The following SRGAP3 variants were observed in gnomAD, a reference collection of about 807,000 sequenced individuals.
SRGAP3 encodes the protein SLIT-ROBO Rho GTPase-activating protein 3.
A neutral mutation model predicts 121.1 loss-of-function variants in SRGAP3; 39 were observed. The ratio of observed to expected loss-of-function variants is 0.32; its 90% confidence interval spans 0.25 to 0.42. The LOEUF (loss-of-function observed/expected upper bound fraction) is 0.42. Ranked by LOEUF, SRGAP3 falls within the 10% of genes least tolerant of loss-of-function variation. The probability of loss-of-function intolerance (pLI) is 1.00; values close to 1 mark genes in which losing one functional copy is unlikely to be tolerated. For synonymous variants in SRGAP3, 601 were observed against 570.0 expected (o/e 1.05, Z -0.77); for missense variants, 1,213 against 1,470.6 (o/e 0.82, Z 2.86).
chr3:9,137,944 G>T (rs567502349), intron 1 of SRGAP3, among the ~76,000 whole-genome samples: 1 of 152,218 alleles, frequency 6.6e-6, no homozygotes, highest in African/African-American at 2.4e-5. Flanking sequence ...ATTTCAACAC[G>T]AGATTAATAT....
chr3:9,248,850 G>T (rs779857489), intron 1 of SRGAP3, 35 bp downstream of exon 1: 1 of 1,606,294 alleles, frequency 6.2e-7, no homozygotes, highest in African/African-American at 1.3e-5. Flanking sequence ...AACGAAAGGG[G>T]AGGAGAAGGA....
Position 9,248,886 on chromosome 3 carries a change from T to C in SRGAP3, c.66A>G (p.Lys22=). The C allele has an allele frequency of 1.2e-6, 2 of 1,614,152 alleles. No homozygotes were observed. Among genetic ancestry groups the C allele is most frequent in the Non-Finnish European group, 1.7e-6 (2 of 1,179,960 alleles). The change falls in exon 1 of 22, where the codon AAA becomes AAG. Residue 22 remains lysine, a splice_region_variant and synonymous_variant. Transcript: ENST00000383836. ...AAACTCTCCCAGCCCGCATCTCACC[T>C]TTTATTTGGGCTTCATATTCAGCAA... ...EIIAEYEAQI[K]EIRTQLVEQF...
intron 1 of SRGAP3, among the ~76,000 whole-genome samples, chr3:9,211,899 C>A (rs572712319): frequency 9.2e-5 from 14 of 152,146 alleles, no homozygotes; most frequent in African/African-American, 3.4e-4. Context: ...TGGTCTCAAA[C>A]TCCTGGCCTC....
intron 3 of SRGAP3, among the ~76,000 whole-genome samples, chr3:9,312,014 A>G (rs1955256649): frequency 1.3e-5 from 2 of 152,242 alleles, no homozygotes; most frequent in African/African-American, 4.8e-5. Context: ...AAAGTTGAGC[A>G]AATGTTATAA....
chr3:9,350,527 A>G (rs2030074605), intron 1 of SRGAP3, among the ~76,000 whole-genome samples: 1 of 152,256 alleles, frequency 6.6e-6, no homozygotes, highest in South Asian at 2.1e-4. Flanking sequence ...CATGATGGCT[A>G]GGAGGGTCCC....
At chr3:9,068,909 ACTTGCCAGGC>A (rs1172051828) in intron 4 of SRGAP3, among the ~76,000 whole-genome samples, 4 of 152,166 alleles carry the variant, frequency 2.6e-5, no homozygotes, top group Non-Finnish European at 5.9e-5. Context: ...AGCACTTACT[ACTTGCCAGGC>A]CTTGCTTTAT....
chr3:9,247,301 A>T (rs2125245662), intron 1 of SRGAP3, among the ~76,000 whole-genome samples: 2 of 152,286 alleles, frequency 1.3e-5, no homozygotes, highest in South Asian at 4.1e-4. Flanking sequence ...ATTTTCAGCA[A>T]GGCTGAGACA....
In SRGAP3 at chr3:9,037,893, A is replaced by G. The variant is rs939025737; in HGVS notation, c.1436+170T>C. ...CGTGGCTTTGTCAGTCTAATGCTAG[A>G]ACAAGCAAAGCAGCAACTGTGCCTC... On this transcript the variant is annotated intron_variant, in intron 11 of 21. Transcript: ENST00000383836. 3.5e-6 allele frequency: 3 copies of G among 866,048 alleles called. No homozygotes were observed. In the African/African-American group the frequency reaches 5.1e-5, roughly 15 times the overall value. The allele number at this position is 866,048 out of a possible 1,614,324, so 53.6% of individuals were successfully genotyped here. A position where few individuals can be genotyped will look rare whatever the true frequency, so the allele number is the denominator to read the frequency against.
intron 1 of SRGAP3, among the ~76,000 whole-genome samples, chr3:9,146,393 T>C (rs1010407917): frequency 2.6e-5 from 4 of 152,188 alleles, no homozygotes; most frequent in Non-Finnish European, 4.4e-5. Context: ...GCTGCTATAA[T>C]AGCAGGGACT....
chr3:9,281,076 C>T (rs1015134804), intron 3 of SRGAP3, among the ~76,000 whole-genome samples: 3 of 152,162 alleles, frequency 2.0e-5, no homozygotes, highest in African/African-American at 7.2e-5. Context: ...ATTGCTATCT[C>T]GCCTCTCCAC....
At chr3:8,987,582 A>C (rs73135760) in intron 21 of SRGAP3, among the ~76,000 whole-genome samples, 3 of 151,990 alleles carry the variant, frequency 2.0e-5, no homozygotes, top group African/African-American at 7.3e-5. Context: ...GCAGGCTTCA[A>C]TCTGGCTGGG....
intron 3 of SRGAP3, among the ~76,000 whole-genome samples, chr3:9,100,507 AC>A (rs1948174784): frequency 6.6e-6 from 1 of 152,200 alleles, no homozygotes; most frequent in African/African-American, 2.4e-5. Context: ...AGGAATTAGG[AC>A]CTCTTGGCAG....
At chr3:9,110,443 A>C (rs1159307112) in intron 2 of SRGAP3, among the ~76,000 whole-genome samples, 1 of 152,258 alleles carries the variant, frequency 6.6e-6, no homozygotes, top group East Asian at 1.9e-4. Flanking sequence ...CAGAACAACA[A>C]GGAAGGCTTT....
rs114963129 is a variant in SRGAP3 at position 9,205,254 on chromosome 3, A to G, written c.67+43631T>C. ...GTTAAGATATATTTTCTTTAATACA[A>G]TATGTCCAAAATAGTATTACTTTAA... On this transcript the variant is annotated intron_variant, in intron 1 of 21. Coordinates refer to ENST00000383836, the MANE Select transcript of SRGAP3 (RefSeq NM_014850.4). Among the ~76,000 whole-genome samples, 558 of 152,384 alleles carry G rather than the reference A, an allele frequency of 3.7e-3. 4 individuals carry two copies. Among genetic ancestry groups the G allele is most frequent in the African/African-American group, 0.012 (516 of 41,588 alleles).
At chr3:9,285,769 A>C (rs62244926) in intron 3 of SRGAP3, among the ~76,000 whole-genome samples, 9 of 41,146 alleles carry the variant, frequency 2.2e-4, no homozygotes, top group Non-Finnish European at 4.9e-4. Context: ...GCCCCACCTC[A>C]AAAAAAAAAA....
intron 1 of SRGAP3, among the ~76,000 whole-genome samples, chr3:9,149,465 C>G (rs968986417): frequency 3.3e-5 from 5 of 152,204 alleles, no homozygotes; most frequent in African/African-American, 1.2e-4. Context: ...CAATTCCTTT[C>G]TCACTAAAGG....
chr3:9,260,653 C>T (rs563554436), intron 3 of SRGAP3, among the ~76,000 whole-genome samples: 14 of 152,316 alleles, frequency 9.2e-5, no homozygotes, highest in Non-Finnish European at 1.8e-4. Flanking sequence ...CCCCAGTCAG[C>T]GGCTTATAGA....
chr3:9,049,221 C>T (rs611406), intron 9 of SRGAP3: 121,130 of 357,716 alleles, frequency 0.34, 20,827 homozygotes, highest in South Asian at 0.4. Context: ...GGGGCTGACA[C>T]ATACACAAAT....
chr3:9,262,070 A>G (rs970667103), intron 3 of SRGAP3, among the ~76,000 whole-genome samples: 8 of 152,138 alleles, frequency 5.3e-5, no homozygotes, highest in Admixed American at 2.0e-4. Flanking sequence ...ATTTTTAAAG[A>G]AAAGAATTTT....
Sources: allele counts gnomAD v4.1 joint callset (sites outside exome capture counted in the v4.1 genomes callset), GRCh38; gene constraint gnomAD v4.1.1; transcripts MANE v1.5; gene names NCBI Gene and HGNC (gene_info 2026-07-23, HGNC 2026-07-21).